CNTNAP3B: variants seen among roughly 807,000 people sequenced by gnomAD.
CNTNAP3B encodes the protein contactin-associated protein-like 3B.
CNTNAP3B carries 25 observed loss-of-function variants against 108.9 expected under a neutral mutation model. The ratio of observed to expected loss-of-function variants is 0.23; its 90% CI spans 0.17 to 0.32. CNTNAP3B has a LOEUF of 0.32. CNTNAP3B is among the 10% of genes least tolerant of loss of function. The probability of loss-of-function intolerance (pLI) is 1.00; values close to 1 mark genes in which losing one functional copy is unlikely to be tolerated. For synonymous variants in CNTNAP3B, 103 were observed against 473.4 expected, an observed-to-expected ratio of 0.22 and a Z score of 10.16; for missense variants, 252 against 1,210.4, an observed-to-expected ratio of 0.21 and a Z score of 11.75.
intron 9 of CNTNAP3B, among the ~76,000 whole-genome samples, chr9:41,977,177 T>A (rs1487084828): frequency 6.7e-6 from 1 of 149,624 alleles, no homozygotes; most frequent in Non-Finnish European, 1.5e-5. Flanking sequence ...CACATTAGCA[T>A]GTATATATTT....
At chr9:42,079,577 A>T (rs1827568674) in intron 2 of CNTNAP3B, among the ~76,000 whole-genome samples, 1 of 130,592 alleles carries the variant, frequency 7.7e-6, no homozygotes, top group Non-Finnish European at 1.6e-5. Flanking sequence ...CCTGGAGTGC[A>T]GTGGCGAGAT....
chr9:42,042,954 C>T (rs2118522329), intron 3 of CNTNAP3B, among the ~76,000 whole-genome samples: 1 of 148,436 alleles, frequency 6.7e-6, no homozygotes, highest in South Asian at 2.2e-4. Context: ...TTTGAATAGC[C>T]CAAAGAAAAT....
chr9:42,096,046 G>T (rs1324462295), intron 2 of CNTNAP3B, among the ~76,000 whole-genome samples: 3 of 138,926 alleles, frequency 2.2e-5, no homozygotes, highest in East Asian at 2.2e-4. Flanking sequence ...ACCTGCCTTT[G>T]GTACCTCAGG....
intron 2 of CNTNAP3B, among the ~76,000 whole-genome samples, chr9:42,082,834 T>C (rs1827629739): frequency 7.1e-6 from 1 of 141,466 alleles, no homozygotes; most frequent in Admixed American, 7.0e-5. Flanking sequence ...GACTTAAAAT[T>C]AATCATATAA....
chr9:42,067,973 G>C (rs1223401783), intron 3 of CNTNAP3B, among the ~76,000 whole-genome samples: 1 of 136,680 alleles, frequency 7.3e-6, no homozygotes, highest in African/African-American at 2.9e-5. Flanking sequence ...ACTTCCTATT[G>C]AGATAATTTA....
At chr9:42,113,697 A>G (rs1828248552) in intron 1 of CNTNAP3B, among the ~76,000 whole-genome samples, 1 of 140,052 alleles carries the variant, frequency 7.1e-6, no homozygotes, top group Non-Finnish European at 1.5e-5. Context: ...GGGTACAAAA[A>G]AATAGAAAAA....
intron 15 of CNTNAP3B, among the ~76,000 whole-genome samples, chr9:41,927,951 C>G (rs1351073668): frequency 1.0e-4 from 12 of 115,336 alleles, no homozygotes; most frequent in Non-Finnish European, 1.8e-4. Context: ...GAGAATCCAC[C>G]AAATGAAACA....
At chr9:41,940,198 C>T (rs1259901046) in intron 13 of CNTNAP3B, among the ~76,000 whole-genome samples, 3 of 152,290 alleles carry the variant, frequency 2.0e-5, no homozygotes, top group African/African-American at 7.2e-5. Flanking sequence ...AAAATACTGG[C>T]TGTAAACTTC....
Position 42,119,304 on chromosome 9 carries a change from A to C in CNTNAP3B, c.85+9706T>G, listed in dbSNP as rs1207831768. 3.9e-5 allele frequency among the ~76,000 whole-genome samples: 5 copies of C among 128,478 alleles called. 1 individual carries two copies. The highest frequency in any genetic ancestry group is 8.1e-5 in the Non-Finnish European group (5 of 61,700). The allele number at this position is 128,478 out of a possible 152,430, so 84.3% of individuals were successfully genotyped here. ...GAAGGAACTCTTCAAGGAGAACTAC[A>C]AACCACTGCTCAATGAAATAAAAGA... is the stretch of plus-strand genomic sequence containing the variant. On this transcript the variant is annotated intron_variant, in intron 1 of 23. Coordinates refer to ENST00000377561, the MANE Select transcript of CNTNAP3B (RefSeq NM_001201380.3).
At position 42,056,324 on chromosome 9, in the gene CNTNAP3B, A is replaced by ATT. The variant is rs1236668921; in HGVS notation, c.390+20543_390+20544dup. 1.3e-4 allele frequency among the ~76,000 whole-genome samples: 13 copies of ATT among 101,728 alleles called. 1 individual carries two copies. Among genetic ancestry groups the ATT allele is most frequent in the African/African-American group, 5.8e-4 (12 of 20,764 alleles). The allele number at this position is 101,728 out of a possible 152,430, so 66.7% of individuals were successfully genotyped here. ...AACAAGGTTGAATATTATCTCATGA[A>ATT]TTTTATTATTATTATTATTATTATT... On this transcript the variant is annotated intron_variant, in intron 3 of 23. Transcript: ENST00000377561.
chr9:42,047,268 C>T (rs1587228849), intron 3 of CNTNAP3B, among the ~76,000 whole-genome samples: 1 of 108,612 alleles, frequency 9.2e-6, no homozygotes, highest in Non-Finnish European at 1.8e-5. Flanking sequence ...TCAGACTTCT[C>T]CGTATTATTT....
rs772930176 is a variant in CNTNAP3B at position 42,102,056 on chromosome 9, G to GATAAATAAATAA, written c.196+2561_196+2572dup. On this transcript the variant is annotated intron_variant, in intron 2 of 23. Transcript: ENST00000377561. ...TGGCAACACAGCAAGACTCCATCTC[G>GATAAATAAATAA]ATAAATAAATAAATAAATAAATAAA... 5.7e-5 allele frequency among the ~76,000 whole-genome samples: 2 copies of GATAAATAAATAA among 34,852 alleles called. 1 individual carries two copies. Among genetic ancestry groups the GATAAATAAATAA allele is most frequent in the African/African-American group, 1.9e-4 (2 of 10,604 alleles). The allele number at this position is 34,852 out of a possible 152,430, so 22.9% of individuals were successfully genotyped here.
intron 1 of CNTNAP3B, among the ~76,000 whole-genome samples, chr9:42,112,309 C>T (rs1194075023): frequency 7.2e-6 from 1 of 139,704 alleles, no homozygotes; most frequent in Non-Finnish European, 1.5e-5. Context: ...TTCTGAAATA[C>T]TGAGGTCTGT....
chr9:41,997,398 A>G (rs1281173392), intron 6 of CNTNAP3B, among the ~76,000 whole-genome samples, 170 bp downstream of exon 6: 1 of 152,188 alleles, frequency 6.6e-6, no homozygotes, highest in Non-Finnish European at 1.5e-5. Context: ...AAGATGATCT[A>G]TTATAATAAA....
intron 12 of CNTNAP3B, among the ~76,000 whole-genome samples, chr9:41,954,551 A>T (rs1453890127): frequency 1.3e-5 from 2 of 152,290 alleles, no homozygotes; most frequent in Non-Finnish European, 2.9e-5. Context: ...TAAATAACGA[A>T]TGCAATTTTA....
chr9:42,090,961 AAT>A lies in CNTNAP3B; in HGVS notation c.196+13666_196+13667del, dbSNP rs1171399773. Among the ~76,000 whole-genome samples the A allele has an allele frequency of 9.3e-3, 361 of 38,676 alleles. 39 individuals are homozygous for A. Among genetic ancestry groups the A allele is most frequent in the Middle Eastern group, 0.048 (3 of 62 alleles). 25.4% of individuals were successfully genotyped at this position (38,676 alleles called of 152,430 possible). On this transcript the variant is annotated intron_variant, in intron 2 of 23. Transcript: ENST00000377561. ...ATTAAGTACACACTGACTCTCTCTAAATATATATATATACACACACACACACA... is the reference window on the plus strand; with the variant it reads ...ATTAAGTACACACTGACTCTCTCTAAATATATATATACACACACACACACA...
intron 9 of CNTNAP3B, among the ~76,000 whole-genome samples, chr9:41,977,429 G>T (rs1397744059): frequency 7.2e-6 from 1 of 139,554 alleles, no homozygotes; most frequent in Non-Finnish European, 1.5e-5. Flanking sequence ...TATAGCAAAT[G>T]TTTTAATACA....
chr9:41,917,911 G>A (rs1180225298), intron 18 of CNTNAP3B, among the ~76,000 whole-genome samples: 1 of 152,284 alleles, frequency 6.6e-6, no homozygotes, highest in East Asian at 1.9e-4. Flanking sequence ...ACTGAGCTAG[G>A]GATGGGGAGG....
chr9:42,045,721 G>C (rs1448929529), intron 3 of CNTNAP3B, among the ~76,000 whole-genome samples: 1 of 149,104 alleles, frequency 6.7e-6, no homozygotes, highest in Non-Finnish European at 1.5e-5. Flanking sequence ...CACAAACTGA[G>C]TTGGTCTAAT....
Sources: allele counts gnomAD v4.1 joint callset (sites outside exome capture counted in the v4.1 genomes callset), GRCh38; gene constraint gnomAD v4.1.1; transcripts MANE v1.5; gene names NCBI Gene and HGNC (gene_info 2026-07-23, HGNC 2026-07-21).